The following SIPA1L2 variants were observed in gnomAD, a reference collection of about 807,000 sequenced individuals.
SIPA1L2 encodes the protein signal induced proliferation associated 1 like 2.
Under a neutral mutation model 163.9 loss-of-function variants are expected in SIPA1L2, and 56 were observed. The ratio of observed to expected loss-of-function variants is 0.34; its 90% CI spans 0.28 to 0.43. SIPA1L2 has a LOEUF of 0.43. Among genes scored for constraint, SIPA1L2 ranks in the 20% least tolerant of loss-of-function variants. The probability of loss-of-function intolerance (pLI) is 1.00; values close to 1 mark genes in which losing one functional copy is unlikely to be tolerated. For synonymous variants in SIPA1L2, 877 were observed against 865.7 expected, an observed-to-expected ratio of 1.01 and a Z score of -0.23; for missense variants, 1,974 against 2,193.5, an observed-to-expected ratio of 0.90 and a Z score of 2.00.
intron 19 of SIPA1L2, among the ~76,000 whole-genome samples, chr1:232,410,232 C>T (rs1272819185): frequency 1.3e-5 from 2 of 152,172 alleles, no homozygotes; most frequent in East Asian, 3.9e-4. Context: ...AGATATTAGT[C>T]TTTGGGGGTA....
At chr1:232,501,050 A>ATTT (rs60008360) in intron 3 of SIPA1L2, among the ~76,000 whole-genome samples, 4,039 of 77,994 alleles carry the variant, frequency 0.052, 652 homozygotes, top group Admixed American at 0.2. Flanking sequence ...GCAATGAAGT[A>ATTT]TTTTTTTTTT....
At chr1:232,624,876 A>G (rs1294098821) in intron 1 of SIPA1L2, among the ~76,000 whole-genome samples, 2 of 152,234 alleles carry the variant, frequency 1.3e-5, no homozygotes, top group Non-Finnish European at 2.9e-5. Flanking sequence ...TCAACACAAG[A>G]GAATACCAAA....
intron 10 of SIPA1L2, among the ~76,000 whole-genome samples, chr1:232,457,746 A>T (rs1487795672): frequency 1.3e-5 from 2 of 152,212 alleles, no homozygotes; most frequent in African/African-American, 4.8e-5. Flanking sequence ...CAGTTTCTTA[A>T]CAAATCTAAT....
chr1:232,458,612 A>G (rs1211004215), intron 10 of SIPA1L2, among the ~76,000 whole-genome samples: 1 of 152,214 alleles, frequency 6.6e-6, no homozygotes, highest in East Asian at 1.9e-4. Flanking sequence ...CCAATTCTAT[A>G]GTAATCGGCT....
At position 232,572,738 on chromosome 1, in the gene SIPA1L2, CATATATATATAT is replaced by C. The variant is rs1219493276; in HGVS notation, c.-270+1424_-270+1435del. 1.3e-4 allele frequency among the ~76,000 whole-genome samples: 5 copies of C among 39,708 alleles called. No individual in the cohort carries two copies. In the East Asian group the frequency reaches 2.8e-3, roughly 22 times the overall value. The allele number at this position is 39,708 out of a possible 152,430, so 26.0% of individuals were successfully genotyped here. ...ATATACACACATATATACATACATA[CATATATATATAT>C]ATATATATATATATATATATATATA... On this transcript the variant is annotated intron_variant, in intron 2 of 22. Transcript: ENST00000674635.
At chr1:232,496,440 C>A (rs1368078743) in intron 3 of SIPA1L2, among the ~76,000 whole-genome samples, 1 of 151,794 alleles carries the variant, frequency 6.6e-6, no homozygotes, top group African/African-American at 2.4e-5. Context: ...TTAAGCGATG[C>A]ATGGCTGTAT....
chr1:232,439,009 G>A (rs1162638017), intron 15 of SIPA1L2, 99 bp downstream of exon 15: 15 of 1,265,906 alleles, frequency 1.2e-5, no homozygotes, highest in South Asian at 3.7e-5. Flanking sequence ...CAACCTACCT[G>A]ATGCCCCTAC....
intron 1 of SIPA1L2, among the ~76,000 whole-genome samples, chr1:232,608,047 CAAAAAA>C (rs56208215): frequency 2.1e-4 from 14 of 67,496 alleles, no homozygotes; most frequent in Admixed American, 1.2e-3. Context: ...AACTCCATCT[CAAAAAA>C]AAAAAAAAAA....
chr1:232,524,911 T>A (rs928829430), intron 2 of SIPA1L2, among the ~76,000 whole-genome samples: 12 of 152,194 alleles, frequency 7.9e-5, no homozygotes, highest in Admixed American at 7.8e-4. Flanking sequence ...ATTATGTAAC[T>A]GTATATGTAT....
intron 1 of SIPA1L2, among the ~76,000 whole-genome samples, chr1:232,590,748 A>G (rs1558289663): frequency 1.3e-5 from 2 of 152,242 alleles, no homozygotes; most frequent in Non-Finnish European, 2.9e-5. Flanking sequence ...TCCTGCAGTG[A>G]AAGAATATGA....
chr1:232,549,921 C>T (rs147976710), intron 2 of SIPA1L2, among the ~76,000 whole-genome samples: 18 of 152,264 alleles, frequency 1.2e-4, no homozygotes, highest in Admixed American at 4.6e-4. Flanking sequence ...TGGTCACCCA[C>T]GGGCAGAGAC....
chr1:232,465,535 T>TAC lies in SIPA1L2; in HGVS notation c.2244-120_2244-119insGT, dbSNP rs1664466745. The TAC allele has an allele frequency of 1.3e-6, 1 of 795,482 alleles. No individual in the cohort carries two copies. The highest frequency in any genetic ancestry group is 2.0e-6 in the Non-Finnish European group (1 of 506,862). The allele number at this position is 795,482 out of a possible 1,614,324, so 49.3% of individuals were successfully genotyped here. A position where few individuals can be genotyped will look rare whatever the true frequency, so the allele number is the denominator to read the frequency against. ...ATATACATACACACACACACACACA[T>TAC]ATACATACACACATACACACACACT... On this transcript the variant is annotated intron_variant, in intron 8 of 22. Coordinates refer to ENST00000674635, the MANE Select transcript of SIPA1L2 (RefSeq NM_020808.5). The surrounding 1 kb of genome is among the most constrained non-coding windows in gnomAD (Gnocchi z 4.1).
At chr1:232,438,957 C>G in intron 15 of SIPA1L2, 151 bp downstream of exon 15, 1 of 683,834 alleles carries the variant, frequency 1.5e-6, no homozygotes, top group Non-Finnish European at 2.2e-6. Flanking sequence ...ATTGTAGAAA[C>G]AAGCCCTTCC....
intron 19 of SIPA1L2, among the ~76,000 whole-genome samples, chr1:232,411,691 C>T (rs1048006182): frequency 1.3e-4 from 20 of 151,680 alleles, no homozygotes; most frequent in Non-Finnish European, 2.9e-5. Context: ...TTAATTTTCC[C>T]TTTTTGCCAT....
intron 10 of SIPA1L2, among the ~76,000 whole-genome samples, chr1:232,453,242 A>G (rs1170668090): frequency 6.6e-6 from 1 of 152,192 alleles, no homozygotes; most frequent in Non-Finnish European, 1.5e-5. Flanking sequence ...GTCCTAAGGG[A>G]ATGATGAGTA....
chr1:232,546,262 A>G (rs374930334), intron 2 of SIPA1L2, among the ~76,000 whole-genome samples: 1 of 152,208 alleles, frequency 6.6e-6, no homozygotes. Flanking sequence ...TCTTCTCTAG[A>G]TAAAGGATTT....
rs1660473558 is a variant in SIPA1L2, at chr1:232,403,578, A to G, written c.4817-7T>C. 1 of 1,609,168 alleles carries G rather than the reference A, an allele frequency of 6.2e-7. No homozygotes were observed. Among genetic ancestry groups the G allele is most frequent in the Non-Finnish European group, 8.5e-7 (1 of 1,177,784 alleles). On this transcript the variant is annotated splice_polypyrimidine_tract_variant and splice_region_variant and intron_variant, in intron 20 of 22. Transcript: ENST00000674635. ...AAGGATGCCACCCTCTGGTCTGGGG[A>G]GGGGAGAAACACACACAGAAAGAAG...
chr1:232,404,657 A>G (rs916520528), intron 19 of SIPA1L2, among the ~76,000 whole-genome samples: 4 of 152,214 alleles, frequency 2.6e-5, no homozygotes, highest in African/African-American at 7.2e-5. Context: ...CAATGTTTTA[A>G]GAGGTCGGAA....
chr1:232,487,333 T>C (rs1319374731), intron 5 of SIPA1L2, among the ~76,000 whole-genome samples: 1 of 152,138 alleles, frequency 6.6e-6, no homozygotes, highest in Non-Finnish European at 1.5e-5. Context: ...ATAAATCCCT[T>C]CCCCTCCATT....
Sources: gnomAD v4.1 joint callset for allele counts (sites outside exome capture counted in the v4.1 genomes callset) on GRCh38, gnomAD v4.1.1 for gene constraint, Gnocchi (gnomAD v3.1) non-coding constraint, MANE v1.5 for transcripts, NCBI Gene and HGNC (gene_info 2026-07-23, HGNC 2026-07-21) for gene names.